BARX2: variants seen among roughly 807,000 people sequenced by gnomAD.
BARX2 encodes homeobox protein BarH-like 2.
A neutral mutation model predicts 25.5 loss-of-function variants in BARX2; 11 were observed. The ratio of observed to expected loss-of-function variants is 0.43; its 90% CI spans 0.27 to 0.71. The LOEUF is 0.71. Ranked by LOEUF, BARX2 falls within the 30% of genes least tolerant of loss-of-function variation. The pLI, the probability that BARX2 is intolerant of heterozygous loss-of-function variation, is 0.19. For synonymous variants in BARX2, 137 were observed against 149.5 expected (o/e 0.92, Z 0.61); for missense variants, 360 against 359.9 (o/e 1.00, Z 0.00).
At chr11:129,411,967 A>G (rs1263331259) in intron 1 of BARX2, among the ~76,000 whole-genome samples, 1 of 152,212 alleles carries the variant, frequency 6.6e-6, no homozygotes, top group African/African-American at 2.4e-5. Context: ...TAAAGTGTTT[A>G]TAAGTGCCAA....
rs1327523617 is a variant in BARX2 at position 129,375,980 on chromosome 11, G to A, written c.-56G>A. ...CCGTCGCGCCAGCCCCGCGGCCCCA[G>A]CGGGCCGGGCACTCGCAGCCGCGCT... On this transcript the variant is annotated 5_prime_UTR_variant, in exon 1 of 4. Transcript: ENST00000281437. The surrounding 1 kb of genome is among the most constrained non-coding windows in gnomAD (Gnocchi z 4.0). 82 of 1,092,984 alleles carry A rather than the reference G, an allele frequency of 7.5e-5. No individual in the cohort carries two copies. In the East Asian group the frequency reaches 4.0e-3, roughly 53 times the overall value. The allele number at this position is 1,092,984 out of a possible 1,614,324, so 67.7% of individuals were successfully genotyped here.
chr11:129,426,842 T>A (rs1049804256), intron 1 of BARX2, among the ~76,000 whole-genome samples: 4 of 151,994 alleles, frequency 2.6e-5, no homozygotes, highest in Non-Finnish European at 1.5e-5. Context: ...AAGTAACTAT[T>A]TGGGGAGTGT....
At chr11:129,404,634 A>G (rs1224462330) in intron 1 of BARX2, among the ~76,000 whole-genome samples, 1 of 152,210 alleles carries the variant, frequency 6.6e-6, no homozygotes. Flanking sequence ...ATGTTGGCTA[A>G]TAAGCCTGGT....
At chr11:129,426,152 A>C (rs1363881654) in intron 1 of BARX2, among the ~76,000 whole-genome samples, 3 of 151,958 alleles carry the variant, frequency 2.0e-5, no homozygotes, top group Non-Finnish European at 2.9e-5. Flanking sequence ...CTCTTGCTGG[A>C]CTAGAAACTT....
intron 1 of BARX2, among the ~76,000 whole-genome samples, chr11:129,411,946 T>G (rs1861891610): frequency 6.6e-6 from 1 of 152,188 alleles, no homozygotes; most frequent in South Asian, 2.1e-4. Flanking sequence ...ATGCAAAATT[T>G]AAGCAACATA....
In BARX2 at chr11:129,408,302, T is replaced by C. The variant is rs140092160; in HGVS notation, c.188-28449T>C. Among the ~76,000 whole-genome samples the C allele has an allele frequency of 6.7e-4, 102 of 152,320 alleles. No homozygotes were observed. In the East Asian group the frequency reaches 0.015, roughly 23 times the overall value. On this transcript the variant is annotated intron_variant, in intron 1 of 3. Transcript: ENST00000281437. The stretch of plus-strand genomic sequence containing the variant: ...CCGATGATGTCATGCAATACATTAC[T>C]TTTTTTGTGACATGAGATTTGATAG...
intron 2 of BARX2, among the ~76,000 whole-genome samples, chr11:129,439,966 C>G (rs557846782): frequency 6.6e-6 from 1 of 151,982 alleles, no homozygotes; most frequent in Non-Finnish European, 1.5e-5. Flanking sequence ...CTCCCTGATA[C>G]CTGCCCAGGC....
chr11:129,402,432 C>G (rs1051088704), intron 1 of BARX2, among the ~76,000 whole-genome samples: 1 of 152,042 alleles, frequency 6.6e-6, no homozygotes, highest in African/African-American at 2.4e-5. Context: ...GATAAGCATC[C>G]AACAGCTGTT....
intron 1 of BARX2, among the ~76,000 whole-genome samples, chr11:129,382,379 A>G (rs1298193946): frequency 6.6e-6 from 1 of 152,060 alleles, no homozygotes; most frequent in Non-Finnish European, 1.5e-5. Context: ...GGGTTTCACC[A>G]TGTTGGACAG....
At position 129,451,281 on chromosome 11, in the gene BARX2, A is replaced by G. The variant is rs1353698941; in HGVS notation, c.719A>G (p.Gln240Arg). The G allele has an allele frequency of 1.9e-6, 3 of 1,614,074 alleles. No homozygotes were observed. In the East Asian group the frequency reaches 6.7e-5, roughly 36 times the overall value. ...GAGCAGCTGGAGCCCTCTCAGGGGC[A>G]GGAGGAGCTCTGTGAAGCACAGGAA... ...GQEQLEPSQG[Q>R]EELCEAQEPK... The change falls in exon 4 of 4, where the codon CAG (glutamine) becomes CGG (arginine). Residue 240 changes from glutamine to arginine, a missense_variant. Physicochemically the swap from Gln to Arg is conservative, Grantham distance 43 (BLOSUM62 1). Coordinates refer to ENST00000281437, the MANE Select transcript of BARX2 (RefSeq NM_003658.5).
intron 1 of BARX2, among the ~76,000 whole-genome samples, chr11:129,388,504 A>C (rs1321085097): frequency 1.3e-5 from 2 of 152,210 alleles, no homozygotes; most frequent in Non-Finnish European, 2.9e-5. Flanking sequence ...CTACTCATTC[A>C]TTCATTATCA....
intron 1 of BARX2, among the ~76,000 whole-genome samples, chr11:129,385,149 C>T (rs999993858): frequency 7.2e-5 from 11 of 152,278 alleles, no homozygotes; most frequent in Non-Finnish European, 1.3e-4. Context: ...AGGACAAAAT[C>T]GGTTGATGAC....
rs1469338308 is a variant in BARX2 at position 129,436,002 on chromosome 11, T to C, written c.188-749T>C. On this transcript the variant is annotated intron_variant, in intron 1 of 3. Transcript: ENST00000281437. This position sits in a 1 kb window ranked among gnomAD's most constrained non-coding sequence, Gnocchi z 4.5. Reference sequence around the variant, plus strand: ...GCCAGCCTGAGAATCCTCCTTAACATAGTGCTGGAGGCGCCAGTCATACCG... The same window carrying C: ...GCCAGCCTGAGAATCCTCCTTAACACAGTGCTGGAGGCGCCAGTCATACCG... Among the ~76,000 whole-genome samples the C allele has an allele frequency of 6.6e-6, 1 of 152,196 alleles. No individual in the cohort carries two copies. The highest frequency in any genetic ancestry group is 1.5e-5 in the Non-Finnish European group (1 of 68,028).
chr11:129,436,189 T>C lies in BARX2; in HGVS notation c.188-562T>C, dbSNP rs1862186645. On this transcript the variant is annotated intron_variant, in intron 1 of 3. Coordinates refer to ENST00000281437, the MANE Select transcript of BARX2 (RefSeq NM_003658.5). This position sits in a 1 kb window ranked among gnomAD's most constrained non-coding sequence, Gnocchi z 4.5. Reference sequence around the variant, plus strand: ...AGTTACGTTATCTTAGGCAACTCACTTAACCTTCCTGGGGCAATTTACTCC... The same window carrying C: ...AGTTACGTTATCTTAGGCAACTCACCTAACCTTCCTGGGGCAATTTACTCC... The C allele has an allele frequency of 6.6e-6, 1 of 152,350 alleles. No individual in the cohort carries two copies. The highest frequency in any genetic ancestry group is 1.5e-5 in the Non-Finnish European group (1 of 68,150). The allele number at this position is 152,350 out of a possible 1,614,324, so 9.4% of individuals were successfully genotyped here.
intron 1 of BARX2, among the ~76,000 whole-genome samples, chr11:129,421,108 G>A (rs61911221): frequency 6.6e-6 from 1 of 152,180 alleles, no homozygotes; most frequent in Admixed American, 6.5e-5. Flanking sequence ...GCTGTAGGGA[G>A]CAACTGTCTT....
intron 1 of BARX2, among the ~76,000 whole-genome samples, chr11:129,409,425 C>G (rs1861865233): frequency 6.6e-6 from 1 of 151,946 alleles, no homozygotes; most frequent in African/African-American, 2.4e-5. Flanking sequence ...CCACCACATA[C>G]ACATTCCCCC....
In BARX2 at chr11:129,375,955, C is replaced by A. The variant is rs1029290242; in HGVS notation, c.-81C>A. ...TGCCGGGAGCGGGGCCCAGGCCCCGCCGTCGCGCCAGCCCCGCGGCCCCAG... is the reference window on the plus strand; with the variant it reads ...TGCCGGGAGCGGGGCCCAGGCCCCGACGTCGCGCCAGCCCCGCGGCCCCAG... On this transcript the variant is annotated 5_prime_UTR_variant, in exon 1 of 4. Coordinates refer to ENST00000281437, the MANE Select transcript of BARX2 (RefSeq NM_003658.5). The surrounding 1 kb of genome is among the most constrained non-coding windows in gnomAD (Gnocchi z 4.0). 10 of 868,536 alleles carry A rather than the reference C, an allele frequency of 1.2e-5. No homozygotes were observed. Among genetic ancestry groups the A allele is most frequent in the Non-Finnish European group, 1.4e-5 (10 of 719,010 alleles). 53.8% of individuals were successfully genotyped at this position (868,536 alleles called of 1,614,324 possible).
chr11:129,440,666 A>G (rs1862245344), intron 2 of BARX2, among the ~76,000 whole-genome samples: 1 of 152,228 alleles, frequency 6.6e-6, no homozygotes, highest in African/African-American at 2.4e-5. Context: ...GGGTCCCCTG[A>G]AGGAAGACTC....
chr11:129,446,513 G>A (rs916162121), intron 3 of BARX2, among the ~76,000 whole-genome samples: 4 of 152,116 alleles, frequency 2.6e-5, no homozygotes, highest in African/African-American at 9.7e-5. Context: ...AATAGGACCT[G>A]CCATATAGGA....
Sources: gnomAD v4.1 joint callset for allele counts (sites outside exome capture counted in the v4.1 genomes callset) on GRCh38, gnomAD v4.1.1 for gene constraint, Gnocchi (gnomAD v3.1) non-coding constraint, MANE v1.5 for transcripts, NCBI Gene and HGNC (gene_info 2026-07-23, HGNC 2026-07-21) for gene names.